DDX59: variants seen among roughly 807,000 people sequenced by gnomAD.
DDX59 encodes probable ATP-dependent RNA helicase DDX59.
Under a neutral mutation model 51.9 loss-of-function variants are expected in DDX59, and 30 were observed. The ratio of observed to expected loss-of-function variants is 0.58; its 90% CI spans 0.43 to 0.78. The LOEUF is 0.78. Among genes scored for constraint, DDX59 ranks in the 30% least tolerant of loss-of-function variants. The pLI, the probability that DDX59 is intolerant of heterozygous loss-of-function variation, is 0.00. For synonymous variants in DDX59, 255 were observed against 253.3 expected, an observed-to-expected ratio of 1.01 and a Z score of -0.06; for missense variants, 672 against 730.8, an observed-to-expected ratio of 0.92 and a Z score of 0.93.
At chr1:200,641,378 G>T (rs1571598062), downstream of DDX59, 17 of 273,280 alleles carry the variant, frequency 6.2e-5, no homozygotes, top group South Asian at 1.5e-4. Flanking sequence ...TTGTAAAGAT[G>T]TTATGAAACC....
chr1:200,655,866 T>C (rs988713155), intron 4 of DDX59, among the ~76,000 whole-genome samples: 1 of 152,094 alleles, frequency 6.6e-6, no homozygotes, highest in Non-Finnish European at 1.5e-5. Context: ...GTTTCACTCT[T>C]GTTGCCCAGG....
intron 3 of DDX59, among the ~76,000 whole-genome samples, chr1:200,660,225 T>A (rs1662289552): frequency 6.6e-6 from 1 of 152,252 alleles, no homozygotes; most frequent in African/African-American, 2.4e-5. Flanking sequence ...ATCTTCTTTA[T>A]CTGTAGACTA....
At chr1:200,641,799 T>C (rs192471190), downstream of DDX59, among the ~76,000 whole-genome samples, 1,309 of 152,108 alleles carry the variant, frequency 8.6e-3, 19 homozygotes, top group African/African-American at 0.03. Flanking sequence ...GGTCAAGAGA[T>C]GGAGACCATC....
At chr1:200,665,431 C>T (rs931034154) in intron 2 of DDX59, among the ~76,000 whole-genome samples, 41 of 148,264 alleles carry the variant, frequency 2.8e-4, no homozygotes, top group Admixed American at 9.7e-4. Flanking sequence ...TGCAGTGAGC[C>T]GAGATTGTGC....
rs115820598 is a variant in DDX59 at position 200,662,787 on chromosome 1, T to C, written c.972+1132A>G. 2.2e-3 allele frequency among the ~76,000 whole-genome samples: 335 copies of C among 152,318 alleles called. 2 individuals are homozygous for C. The highest frequency in any genetic ancestry group is 7.9e-3 in the African/African-American group (327 of 41,572). ...AATGAAAATAAATTTAAGGCAGAGG[T>C]TGATATGAGACTGCAGTTAAACTCC... On this transcript the variant is annotated intron_variant, in intron 3 of 7. Transcript: ENST00000331314.
chr1:200,659,587 T>A (rs1029508226), intron 3 of DDX59, among the ~76,000 whole-genome samples: 1 of 152,258 alleles, frequency 6.6e-6, no homozygotes, highest in African/African-American at 2.4e-5. Context: ...GAAAATTCCG[T>A]AACATCTTTG....
At chr1:200,653,087 G>C (rs1661773161) in intron 4 of DDX59, among the ~76,000 whole-genome samples, 1 of 152,146 alleles carries the variant, frequency 6.6e-6, no homozygotes, top group African/African-American at 2.4e-5. Context: ...TGGGTCACAG[G>C]CTTCTTCTTT....
At chr1:200,650,174 T>C (rs114841542) in intron 5 of DDX59, among the ~76,000 whole-genome samples, 4,230 of 152,190 alleles carry the variant, frequency 0.028, 86 homozygotes, top group African/African-American at 0.034. Context: ...GAGAACATAT[T>C]CCTTAGGAAT....
intron 4 of DDX59, among the ~76,000 whole-genome samples, chr1:200,655,992 A>C (rs866773631): frequency 2.0e-5 from 3 of 152,066 alleles, no homozygotes; most frequent in Non-Finnish European, 4.4e-5. Flanking sequence ...CACCACGCCC[A>C]GCTAATTTTG....
intron 4 of DDX59, among the ~76,000 whole-genome samples, chr1:200,657,389 T>A (rs1662095743): frequency 6.6e-6 from 1 of 152,016 alleles, no homozygotes; most frequent in African/African-American, 2.4e-5. Context: ...GATTTAGCAA[T>A]GTCAGTTCTA....
chr1:200,647,743 G>A (rs1267727316), intron 7 of DDX59, among the ~76,000 whole-genome samples: 3 of 151,592 alleles, frequency 2.0e-5, no homozygotes, highest in South Asian at 2.1e-4. Flanking sequence ...AGGCCAAGGC[G>A]GGAGGATCAC....
intron 3 of DDX59, among the ~76,000 whole-genome samples, chr1:200,662,681 T>G (rs912880232): frequency 3.3e-5 from 5 of 152,194 alleles, no homozygotes; most frequent in Non-Finnish European, 7.3e-5. Flanking sequence ...TTTTAAGAAT[T>G]GGAATGCAAG....
At chr1:200,659,181 TATTG>T in intron 3 of DDX59, 65 bp from the exon 4 acceptor site, 1 of 1,291,446 alleles carries the variant, frequency 7.7e-7, no homozygotes, top group East Asian at 2.3e-5. Flanking sequence ...ATTCATTCCA[TATTG>T]ATTGAGCAAC....
chr1:200,663,767 T>TAAAAA, intron 3 of DDX59, 152 bp downstream of exon 3: 8 of 586,500 alleles, frequency 1.4e-5, no homozygotes, highest in South Asian at 5.3e-5. Context: ...TAAAACAAAC[T>TAAAAA]AAAAAAAAAA....
intron 7 of DDX59, 100 bp from the exon 8 acceptor site, chr1:200,644,617 T>C: frequency 7.2e-7 from 1 of 1,392,898 alleles, no homozygotes; most frequent in African/African-American, 1.5e-5. Flanking sequence ...CATTACTGGC[T>C]GGGTGCAGTG....
chr1:200,658,917 G>A, intron 4 of DDX59, 110 bp downstream of exon 4: 3 of 936,232 alleles, frequency 3.2e-6, no homozygotes, highest in Non-Finnish European at 4.8e-6. Context: ...AGTCCCTGAG[G>A]TTTTTTTTGA....
intron 2 of DDX59, among the ~76,000 whole-genome samples, chr1:200,664,539 G>A (rs570119550): frequency 1.1e-4 from 16 of 151,964 alleles, no homozygotes; most frequent in African/African-American, 3.4e-4. Flanking sequence ...ATCCTATTTC[G>A]GGCTTTATGG....
rs1661992278 is a variant in DDX59 at position 200,655,917 on chromosome 1, AC to A, written c.1062+3109del. On this transcript the variant is annotated intron_variant, in intron 4 of 7. Coordinates refer to ENST00000331314, the MANE Select transcript of DDX59 (RefSeq NM_001031725.6). ...ACGATCTTGGCTCACCGCAACCTCC[AC>A]CTCCCGGGTTCAAGCGATTCTCTTG... is the stretch of plus-strand genomic sequence containing the variant. 2.0e-5 allele frequency among the ~76,000 whole-genome samples: 3 copies of A among 150,450 alleles called. No individual in the cohort carries two copies. In the South Asian group the frequency reaches 6.3e-4, roughly 32 times the overall value.
intron 7 of DDX59, among the ~76,000 whole-genome samples, chr1:200,645,608 A>T (rs962311739): frequency 6.6e-6 from 1 of 152,202 alleles, no homozygotes; most frequent in African/African-American, 2.4e-5. Context: ...AAATTTATGG[A>T]GTATCAATAA....
Sources: allele counts gnomAD v4.1 joint callset (sites outside exome capture counted in the v4.1 genomes callset), GRCh38; gene constraint gnomAD v4.1.1; transcripts MANE v1.5; gene names NCBI Gene and HGNC (gene_info 2026-07-23, HGNC 2026-07-21).